AKAP13: variants seen among roughly 807,000 people sequenced by gnomAD.
The protein encoded by AKAP13 is A-kinase anchoring protein 13, also known as A-kinase anchor protein 13.
In AKAP13, 80 loss-of-function variants were observed where a neutral mutation model predicts 264.5. The ratio of observed to expected loss-of-function variants is 0.30; its 90% CI spans 0.25 to 0.36. The LOEUF is 0.36. Among genes scored for constraint, AKAP13 ranks in the 10% least tolerant of loss-of-function variants. AKAP13 has a pLI of 1.00. For missense variants in AKAP13, 3,712 were observed against 3,435.2 expected (o/e 1.08, Z -2.01); for synonymous variants, 1,380 against 1,250.2 (o/e 1.10, Z -2.19).
Position 85,580,142 on chromosome 15 carries a change from A to G in AKAP13, c.2074A>G (p.Ser692Gly), listed in dbSNP as rs1255840462. 4 of 1,614,212 alleles carry G rather than the reference A, an allele frequency of 2.5e-6. No homozygotes were observed. The South Asian group carries it at 3.3e-5, about 13-fold the overall frequency. The change falls in exon 7 of 37, where the codon AGC becomes GGC. Residue 692 changes from serine (S) to glycine (G), a missense_variant. Coordinates refer to ENST00000394518, the MANE Select transcript of AKAP13 (RefSeq NM_007200.5). Reference sequence around the variant, plus strand: ...TGATAACATAGTTAGCGAGTCCGAAAGCACCACAGCAAGGCAACCCAGCTC... The same window carrying G: ...TGATAACATAGTTAGCGAGTCCGAAGGCACCACAGCAAGGCAACCCAGCTC... The part of the protein sequence containing the change: ...LCDNIVSESE[S>G]TTARQPSSQD...
At chr15:85,597,727 C>T (rs1034749618) in intron 8 of AKAP13, among the ~76,000 whole-genome samples, 7 of 152,162 alleles carry the variant, frequency 4.6e-5, no homozygotes, top group Non-Finnish European at 7.3e-5. Context: ...AGGATTCCCA[C>T]TTCCTGTTGC....
At chr15:85,571,734 A>AGT (rs2078824551) in intron 5 of AKAP13, among the ~76,000 whole-genome samples, 2 of 152,262 alleles carry the variant, frequency 1.3e-5, no homozygotes, top group South Asian at 4.1e-4. Context: ...CCAGTACCTT[A>AGT]AATAGTGCCT....
At chr15:85,599,657 T>C (rs576729147) in intron 8 of AKAP13, among the ~76,000 whole-genome samples, 12 of 152,358 alleles carry the variant, frequency 7.9e-5, no homozygotes, top group South Asian at 4.1e-4. Context: ...TGGGAACTTA[T>C]ACTGCCATTT....
chr15:85,551,197 C>G (rs1275619075), intron 5 of AKAP13, among the ~76,000 whole-genome samples: 1 of 152,136 alleles, frequency 6.6e-6, no homozygotes, highest in Non-Finnish European at 1.5e-5. Flanking sequence ...AGCTGGACAA[C>G]TTTAAGCATT....
intron 14 of AKAP13, among the ~76,000 whole-genome samples, chr15:85,678,821 A>G (rs2084405162): frequency 6.6e-6 from 1 of 152,076 alleles, no homozygotes; most frequent in African/African-American, 2.4e-5. Context: ...GTGAGCCGAG[A>G]TCATGCCACT....
intron 1 of AKAP13, among the ~76,000 whole-genome samples, chr15:85,408,486 C>T (rs945503561): frequency 1.3e-5 from 2 of 151,626 alleles, no homozygotes; most frequent in Non-Finnish European, 1.5e-5. Flanking sequence ...TTCTATTTCT[C>T]TCTCCTCCGT....
rs369853462 is a variant in AKAP13, at chr15:85,661,176, T to C, written c.4799+2586T>C. On this transcript the variant is annotated intron_variant, in intron 12 of 36. Transcript: ENST00000394518. The stretch of plus-strand genomic sequence containing the variant: ...CTTTTGTTAATAAAAATCCCAACAT[T>C]TCCATGCAGTTTCCTTTATAGAACA... Among the ~76,000 whole-genome samples the C allele has an allele frequency of 6.6e-5, 10 of 152,200 alleles. No individual in the cohort carries two copies. The East Asian group carries it at 9.6e-4, about 15-fold the overall frequency.
intron 36 of AKAP13, chr15:85,744,273 G>A (rs1390765647): frequency 1.6e-5 from 5 of 307,310 alleles, no homozygotes; most frequent in Admixed American, 1.5e-4. Context: ...CAGAGCCTGC[G>A]GCTGAATTCC....
At chr15:85,682,894 C>T (rs951662683) in intron 15 of AKAP13, among the ~76,000 whole-genome samples, 5 of 151,962 alleles carry the variant, frequency 3.3e-5, no homozygotes, top group Non-Finnish European at 5.9e-5. Context: ...CTCAAACTCC[C>T]GACCTCAGGT....
chr15:85,452,522 G>C (rs142958106), intron 1 of AKAP13, among the ~76,000 whole-genome samples: 5 of 152,258 alleles, frequency 3.3e-5, no homozygotes, highest in East Asian at 3.9e-4. Flanking sequence ...CTGCAGTGTA[G>C]ATTGAGTATG....
intron 5 of AKAP13, among the ~76,000 whole-genome samples, chr15:85,572,744 C>T (rs1183942077): frequency 2.6e-5 from 4 of 152,172 alleles, no homozygotes; most frequent in Admixed American, 6.5e-5. Flanking sequence ...TAGGTATACA[C>T]GTGCCGTGGA....
intron 17 of AKAP13, among the ~76,000 whole-genome samples, chr15:85,693,956 A>C (rs946331801): frequency 2.0e-5 from 3 of 152,200 alleles, no homozygotes; most frequent in Non-Finnish European, 4.4e-5. Context: ...TTTTGACTTA[A>C]TAGTATTTTC....
chr15:85,711,897 A>T (rs1170819707), intron 19 of AKAP13, among the ~76,000 whole-genome samples: 26 of 152,128 alleles, frequency 1.7e-4, no homozygotes, highest in Non-Finnish European at 2.9e-5. Flanking sequence ...CAGTGGTGTG[A>T]TCATAGCTCA....
At chr15:85,520,631 A>G (rs1567101877) in intron 2 of AKAP13, 1 of 518,906 alleles carries the variant, frequency 1.9e-6, no homozygotes, top group Non-Finnish European at 3.8e-6. Context: ...AGGGGTGGAT[A>G]AAGAAGAGTA....
chr15:85,549,535 TATATCAACCTC>T (rs1487149412), intron 5 of AKAP13, among the ~76,000 whole-genome samples: 1 of 152,230 alleles, frequency 6.6e-6, no homozygotes, highest in Non-Finnish European at 1.5e-5. Flanking sequence ...ATTTCAACCT[TATATCAACCTC>T]GTGAAATAGG....
intron 8 of AKAP13, among the ~76,000 whole-genome samples, chr15:85,590,343 G>A (rs558600227): frequency 3.3e-5 from 5 of 152,142 alleles, no homozygotes; most frequent in Admixed American, 6.5e-5. Context: ...AACCTCTGTC[G>A]AGTGGCACTA....
Position 85,717,453 on chromosome 15 carries a change from G to C in AKAP13, c.5848+51G>C, listed in dbSNP as rs370632736. 26 of 1,264,290 alleles carry C rather than the reference G, an allele frequency of 2.1e-5. No individual in the cohort carries two copies. The African/African-American group carries it at 3.0e-4, about 15-fold the overall frequency. 78.3% of individuals were successfully genotyped at this position (1,264,290 alleles called of 1,614,324 possible). On this transcript the variant is annotated intron_variant, in intron 21 of 36. Coordinates refer to ENST00000394518, the MANE Select transcript of AKAP13 (RefSeq NM_007200.5). ...TTATGCCTCTGTAGGGACTGTGTGT[G>C]TGTCATTACCTAGAACATAAGTCTT...
chr15:85,428,506 T>A (rs2072894674), intron 1 of AKAP13, among the ~76,000 whole-genome samples: 1 of 152,254 alleles, frequency 6.6e-6, no homozygotes, highest in Admixed American at 6.5e-5. Flanking sequence ...GCCTTACCCT[T>A]ATTTAAAGCT....
intron 2 of AKAP13, among the ~76,000 whole-genome samples, chr15:85,497,973 G>GA (rs141554913): frequency 0.091 from 13,820 of 152,054 alleles, 839 homozygotes; most frequent in Middle Eastern, 0.18. Context: ...ATCTGGGGAT[G>GA]ATGAAGCTGT....
Sources: allele counts gnomAD v4.1 joint callset (sites outside exome capture counted in the v4.1 genomes callset), GRCh38; gene constraint gnomAD v4.1.1; transcripts MANE v1.5; gene names NCBI Gene and HGNC (gene_info 2026-07-23, HGNC 2026-07-21).